The following GALNT13 variants were observed in gnomAD, a reference collection of about 807,000 sequenced individuals.
GALNT13 encodes polypeptide N-acetylgalactosaminyltransferase 13.
Under a neutral mutation model 64.2 loss-of-function variants are expected in GALNT13, and 28 were observed. The ratio of observed to expected loss-of-function variants is 0.44; its 90% CI spans 0.32 to 0.60. GALNT13 has a LOEUF of 0.60. Among genes scored for constraint, GALNT13 ranks in the 20% least tolerant of loss-of-function variants. The pLI, the probability that GALNT13 is intolerant of heterozygous loss-of-function variation, is 0.05. For synonymous variants in GALNT13, 214 were observed against 224.6 expected (o/e 0.95, Z 0.42); for missense variants, 577 against 669.8 (o/e 0.86, Z 1.53).
the GALNT13 span, among the ~76,000 whole-genome samples, chr2:153,155,851 C>G: frequency 2.0e-5 from 3 of 152,082 alleles, no homozygotes; most frequent in African/African-American, 7.2e-5. Context: ...ATTTTTCTAA[C>G]TTTTTGATGT....
At chr2:153,846,263 T>TA in the GALNT13 span, among the ~76,000 whole-genome samples, 5 of 152,270 alleles carry the variant, frequency 3.3e-5, no homozygotes, top group East Asian at 9.6e-4. Context: ...TTCTGGTGTT[T>TA]AAATATATGT....
the GALNT13 span, among the ~76,000 whole-genome samples, chr2:153,534,786 A>G: frequency 6.6e-6 from 1 of 152,048 alleles, no homozygotes; most frequent in South Asian, 2.1e-4. Context: ...ACTTAAGGCA[A>G]GGACCGGCCA....
chr2:153,932,631 T>A lies in GALNT13; in HGVS notation c.-104-11763T>A, dbSNP rs1354662145. ...TTTTCTTTTTTTCTGTCTTTCTTTT[T>A]TTTTTTTTTTTTTGAGATGGAGTCT... On this transcript the variant is annotated intron_variant, in intron 2 of 12. Transcript: ENST00000392825. 4.4e-3 allele frequency among the ~76,000 whole-genome samples: 635 copies of A among 144,882 alleles called. 4 individuals are homozygous for A. Among genetic ancestry groups the A allele is most frequent in the African/African-American group, 0.015 (605 of 39,394 alleles).
At chr2:154,338,522 C>T (rs1289872426) in intron 9 of GALNT13, among the ~76,000 whole-genome samples, 10 of 152,054 alleles carry the variant, frequency 6.6e-5, no homozygotes, top group African/African-American at 2.4e-4. Context: ...ACTGTACTCA[C>T]AGATTCCTGG....
chr2:153,896,399 AAT>A (rs1247974070), intron 1 of GALNT13, among the ~76,000 whole-genome samples: 4 of 151,208 alleles, frequency 2.6e-5, no homozygotes, highest in South Asian at 2.1e-4. Context: ...ATTATGAATA[AAT>A]ATATCTTTCA....
Position 154,185,734 on chromosome 2 carries a change from C to T in GALNT13, c.311+45229C>T, listed in dbSNP as rs151091487. ...TCCTTGTTGAACTTCTCATATTGCT[C>T]ACTTATTGTTTTCCTGATTTTATTT... is the stretch of plus-strand genomic sequence containing the variant. On this transcript the variant is annotated intron_variant, in intron 4 of 12. Coordinates refer to ENST00000392825, the MANE Select transcript of GALNT13 (RefSeq NM_052917.4). 6.8e-3 allele frequency among the ~76,000 whole-genome samples: 1,028 copies of T among 151,842 alleles called. 8 individuals are homozygous for T. Among genetic ancestry groups the T allele is most frequent in the African/African-American group, 0.024 (993 of 41,478 alleles).
At chr2:153,112,728 G>A in the GALNT13 span, among the ~76,000 whole-genome samples, 1 of 152,022 alleles carries the variant, frequency 6.6e-6, no homozygotes, top group African/African-American at 2.4e-5. Flanking sequence ...ACCCTCACTT[G>A]AAGTATTAAC....
the GALNT13 span, among the ~76,000 whole-genome samples, chr2:153,176,670 A>C: frequency 6.6e-6 from 1 of 151,962 alleles, no homozygotes; most frequent in East Asian, 1.9e-4. Context: ...AGAAGGAAAA[A>C]AAGCAATGAT....
the GALNT13 span, among the ~76,000 whole-genome samples, chr2:153,380,660 T>C: frequency 6.6e-6 from 1 of 152,044 alleles, no homozygotes; most frequent in Admixed American, 6.6e-5. Context: ...GAAAATGGTG[T>C]AAAAGTATAT....
intron 3 of GALNT13, among the ~76,000 whole-genome samples, chr2:154,114,582 GGTC>G (rs143523834): frequency 0.072 from 10,881 of 152,130 alleles, 463 homozygotes; most frequent in Middle Eastern, 0.13. Flanking sequence ...AGTGTAGTGG[GGTC>G]CTTCCTTAAG....
the GALNT13 span, among the ~76,000 whole-genome samples, chr2:153,782,414 A>C: frequency 6.6e-6 from 1 of 152,248 alleles, no homozygotes; most frequent in Admixed American, 6.5e-5. Flanking sequence ...TCCTGTAATG[A>C]ATACTGTAGG....
the GALNT13 span, among the ~76,000 whole-genome samples, chr2:153,529,664 C>T: frequency 6.6e-6 from 1 of 151,724 alleles, no homozygotes; most frequent in Admixed American, 6.6e-5. Flanking sequence ...CAACAAAATA[C>T]TAGCAAACCA....
chr2:154,443,315 C>T (rs140156761), intron 12 of GALNT13, among the ~76,000 whole-genome samples: 1,551 of 151,976 alleles, frequency 0.01, 9 homozygotes, highest in Non-Finnish European at 0.016. Context: ...TATTTCTGTT[C>T]GACTGAATGC....
chr2:153,218,678 T>C, the GALNT13 span, among the ~76,000 whole-genome samples: 1 of 152,234 alleles, frequency 6.6e-6, no homozygotes, highest in Non-Finnish European at 1.5e-5. Context: ...GTGAGGTCCA[T>C]GAAGAAGAGC....
At chr2:153,418,453 A>G in the GALNT13 span, among the ~76,000 whole-genome samples, 1 of 152,234 alleles carries the variant, frequency 6.6e-6, no homozygotes, top group Non-Finnish European at 1.5e-5. Context: ...AGAAAGGAGT[A>G]GTTAGTGAAG....
At chr2:153,979,238 A>G (rs1694290472) in intron 3 of GALNT13, among the ~76,000 whole-genome samples, 1 of 152,140 alleles carries the variant, frequency 6.6e-6, no homozygotes, top group African/African-American at 2.4e-5. Context: ...ATAGTGTTGT[A>G]CTTTGAGGAT....
chr2:153,709,968 A>G, the GALNT13 span, among the ~76,000 whole-genome samples: 1 of 152,204 alleles, frequency 6.6e-6, no homozygotes, highest in East Asian at 1.9e-4. Context: ...ATTAGTGATT[A>G]CCTGAGGCTG....
At chr2:154,055,402 A>G (rs911953733) in intron 3 of GALNT13, among the ~76,000 whole-genome samples, 6 of 152,108 alleles carry the variant, frequency 3.9e-5, no homozygotes, top group African/African-American at 1.4e-4. Context: ...AGTATTTATA[A>G]TGTAATCACA....
chr2:153,696,037 G>T, the GALNT13 span, among the ~76,000 whole-genome samples: 1 of 152,100 alleles, frequency 6.6e-6, no homozygotes, highest in Non-Finnish European at 1.5e-5. Context: ...AGTTTATTAA[G>T]GAGTATTGAT....
Sources: allele counts gnomAD v4.1 joint callset (sites outside exome capture counted in the v4.1 genomes callset), GRCh38; gene constraint gnomAD v4.1.1; transcripts MANE v1.5; gene names NCBI Gene and HGNC (gene_info 2026-07-23, HGNC 2026-07-21).